DPYD: variants seen among roughly 807,000 people sequenced by gnomAD.
The protein encoded by DPYD is dihydropyrimidine dehydrogenase [NADP(+)].
DPYD carries 109 observed loss-of-function variants against 116.2 expected under a neutral mutation model. The ratio of observed to expected loss-of-function variants is 0.94; its 90% CI spans 0.80 to 1.10. The LOEUF (loss-of-function observed/expected upper bound fraction) is 1.10, where lower values mean the gene tolerates loss of function less well. Ranked by LOEUF, DPYD falls within the 50% of genes least tolerant of loss-of-function variation. The pLI is 0.00. For missense variants in DPYD, 1,302 were observed against 1,254.5 expected (o/e 1.04, Z -0.57); for synonymous variants, 440 against 432.0 (o/e 1.02, Z -0.23).
At chr1:97,586,467 TATATA>T (rs1380699548) in intron 10 of DPYD, among the ~76,000 whole-genome samples, 8 of 1,188 alleles carry the variant, frequency 6.7e-3, no homozygotes, top group African/African-American at 0.014. Context: ...CATACATACA[TATATA>T]TATATATATA....
intron 13 of DPYD, among the ~76,000 whole-genome samples, chr1:97,509,772 T>C (rs1271523520): frequency 2.0e-5 from 3 of 151,914 alleles, no homozygotes; most frequent in African/African-American, 4.8e-5. Context: ...TGTTAAGACT[T>C]TAGAAAGACC....
intron 8 of DPYD, among the ~76,000 whole-genome samples, chr1:97,633,144 G>A (rs1571096256): frequency 6.6e-6 from 1 of 152,118 alleles, no homozygotes; most frequent in South Asian, 2.1e-4. Flanking sequence ...AACCTAAAAT[G>A]TGAAGTAAAC....
chr1:97,450,618 T>C (rs572406602), intron 13 of DPYD, among the ~76,000 whole-genome samples: 2 of 152,054 alleles, frequency 1.3e-5, no homozygotes, highest in African/African-American at 4.8e-5. Flanking sequence ...TTAACTCCAA[T>C]AAGAATTAAT....
intron 13 of DPYD, among the ~76,000 whole-genome samples, chr1:97,498,015 A>T (rs1679365467): frequency 6.6e-6 from 1 of 151,876 alleles, no homozygotes; most frequent in Non-Finnish European, 1.5e-5. Flanking sequence ...GCTACAACAC[A>T]GGTAAACCCT....
intron 16 of DPYD, among the ~76,000 whole-genome samples, chr1:97,316,061 A>C (rs1458625618): frequency 6.6e-6 from 1 of 152,026 alleles, no homozygotes; most frequent in African/African-American, 2.4e-5. Flanking sequence ...CCCATGGATA[A>C]AGGACATGAT....
In DPYD at chr1:97,291,988, A is replaced by G. The variant is rs150765380; in HGVS notation, c.2299+13271T>C. Among the ~76,000 whole-genome samples, 13 of 152,286 alleles carry G rather than the reference A, an allele frequency of 8.5e-5. No individual in the cohort carries two copies. In the East Asian group the frequency reaches 2.3e-3, roughly 27 times the overall value. ...AACAAACATTTTAAATTTTTTTTAC[A>G]CAAAATTATAATGCGTTATACCCCA... On this transcript the variant is annotated intron_variant, in intron 18 of 22. Transcript: ENST00000370192.
At chr1:97,546,088 T>G in intron 12 of DPYD, 1 of 1,415,310 alleles carries the variant, frequency 7.1e-7, no homozygotes, top group Non-Finnish European at 1.0e-6. Context: ...TTAGTTACAG[T>G]GCTGGTTAAG....
chr1:97,145,196 G>A (rs1163779049), intron 20 of DPYD, among the ~76,000 whole-genome samples: 2 of 152,116 alleles, frequency 1.3e-5, no homozygotes, highest in Admixed American at 6.6e-5. Context: ...TCTAATGGTT[G>A]ATTTTTTTTC....
intron 13 of DPYD, among the ~76,000 whole-genome samples, chr1:97,463,211 G>A (rs139551194): frequency 2.0e-5 from 3 of 152,248 alleles, no homozygotes; most frequent in East Asian, 1.9e-4. Flanking sequence ...GGAGGGACCC[G>A]GTGGGAGATA....
chr1:97,766,385 T>C (rs953673204), intron 3 of DPYD, among the ~76,000 whole-genome samples: 6 of 152,130 alleles, frequency 3.9e-5, no homozygotes, highest in Admixed American at 6.6e-5. Context: ...ATAAGGTATA[T>C]TGATAAGGAG....
At chr1:97,586,604 A>G (rs1654142771) in intron 10 of DPYD, among the ~76,000 whole-genome samples, 1 of 150,024 alleles carries the variant, frequency 6.7e-6, no homozygotes, top group Non-Finnish European at 1.5e-5. Context: ...CCTGGTCAAC[A>G]TAATGCAACA....
At chr1:97,782,871 C>G (rs952732872) in intron 3 of DPYD, among the ~76,000 whole-genome samples, 4 of 152,082 alleles carry the variant, frequency 2.6e-5, no homozygotes, top group Admixed American at 2.0e-4. Flanking sequence ...CTCTGGATAT[C>G]AGGTGGTGGT....
At chr1:97,191,100 AC>A (rs1326269704) in intron 20 of DPYD, among the ~76,000 whole-genome samples, 1 of 86,580 alleles carries the variant, frequency 1.2e-5, no homozygotes, top group South Asian at 6.5e-4. Context: ...ACACACACAC[AC>A]AAAAGCAGCA....
At chr1:97,387,414 T>G (rs555711804) in intron 14 of DPYD, among the ~76,000 whole-genome samples, 18 of 152,234 alleles carry the variant, frequency 1.2e-4, no homozygotes, top group African/African-American at 4.1e-4. Flanking sequence ...TCAGAAGTGA[T>G]GAACAAGACA....
chr1:97,623,608 C>T (rs1656754619), intron 8 of DPYD, among the ~76,000 whole-genome samples: 1 of 151,860 alleles, frequency 6.6e-6, no homozygotes, highest in Admixed American at 6.6e-5. Flanking sequence ...CTTTAATTTT[C>T]ATAGAAATAG....
At chr1:97,190,839 T>C (rs955034649) in intron 20 of DPYD, among the ~76,000 whole-genome samples, 3 of 152,190 alleles carry the variant, frequency 2.0e-5, no homozygotes, top group African/African-American at 7.2e-5. Flanking sequence ...TCTATTCTGG[T>C]TTATTCTAGC....
chr1:97,879,928 T>C (rs1672113605), intron 2 of DPYD, among the ~76,000 whole-genome samples: 1 of 151,736 alleles, frequency 6.6e-6, no homozygotes, highest in South Asian at 2.1e-4. Context: ...GAGGACTATA[T>C]AATGCCTCAA....
At chr1:97,730,024 A>G (rs886108525) in intron 4 of DPYD, among the ~76,000 whole-genome samples, 4 of 152,208 alleles carry the variant, frequency 2.6e-5, no homozygotes, top group Admixed American at 2.6e-4. Flanking sequence ...AATTGGAAGC[A>G]TAATGCCAGA....
intron 18 of DPYD, among the ~76,000 whole-genome samples, chr1:97,265,652 T>A (rs889436513): frequency 2.0e-5 from 3 of 152,222 alleles, no homozygotes; most frequent in Non-Finnish European, 2.9e-5. Context: ...GTACAAAAAA[T>A]CTTATTATCT....
Sources: gnomAD v4.1 joint callset for allele counts (sites outside exome capture counted in the v4.1 genomes callset) on GRCh38, gnomAD v4.1.1 for gene constraint, MANE v1.5 for transcripts, NCBI Gene and HGNC (gene_info 2026-07-23, HGNC 2026-07-21) for gene names.